Variants in UBE2E2 observed in about 807,000 individuals in gnomAD.
The protein encoded by UBE2E2 is ubiquitin conjugating enzyme E2 E2.
In UBE2E2, 6 loss-of-function variants were observed where a neutral mutation model predicts 24.7. The ratio of observed to expected loss-of-function variants is 0.24; its 90% CI spans 0.13 to 0.48. The LOEUF is 0.48. Ranked by LOEUF, UBE2E2 falls within the 20% of genes least tolerant of loss-of-function variation. The pLI, the probability that UBE2E2 is intolerant of heterozygous loss-of-function variation, is 0.99. For missense variants in UBE2E2, 169 were observed against 245.0 expected (o/e 0.69, Z 2.07); for synonymous variants, 104 against 83.6 (o/e 1.24, Z -1.33).
chr3:23,225,855 C>T (rs1012529726), intron 3 of UBE2E2, among the ~76,000 whole-genome samples: 9 of 151,358 alleles, frequency 5.9e-5, no homozygotes, highest in African/African-American at 2.2e-4. Flanking sequence ...TCATGGGAGC[C>T]ATTTTATAGA....
intron 3 of UBE2E2, among the ~76,000 whole-genome samples, chr3:23,237,847 T>C (rs927742596): frequency 1.3e-5 from 2 of 152,184 alleles, no homozygotes; most frequent in African/African-American, 4.8e-5. Context: ...ACAATGCAAT[T>C]TCTAACAGGG....
At chr3:23,507,516 G>T (rs1255202774) in intron 4 of UBE2E2, among the ~76,000 whole-genome samples, 1 of 152,182 alleles carries the variant, frequency 6.6e-6, no homozygotes, top group Non-Finnish European at 1.5e-5. Context: ...GCATGTAACT[G>T]TGCCCTAAGC....
chr3:23,478,089 A>G (rs1031245182), intron 3 of UBE2E2, among the ~76,000 whole-genome samples: 4 of 152,244 alleles, frequency 2.6e-5, no homozygotes, highest in Non-Finnish European at 5.9e-5. Flanking sequence ...GTGTGAAAAC[A>G]AACTAATACA....
chr3:23,307,504 T>G (rs1699269411), intron 3 of UBE2E2, among the ~76,000 whole-genome samples: 1 of 152,160 alleles, frequency 6.6e-6, no homozygotes, highest in Non-Finnish European at 1.5e-5. Flanking sequence ...AAATAGGACT[T>G]TGGAAGGTAG....
chr3:23,524,874 ACAC>A (rs1694957764), intron 4 of UBE2E2, among the ~76,000 whole-genome samples: 3 of 151,668 alleles, frequency 2.0e-5, no homozygotes, highest in African/African-American at 4.9e-5. Context: ...AGACACACAC[ACAC>A]ACACACACAC....
intron 3 of UBE2E2, among the ~76,000 whole-genome samples, chr3:23,411,285 G>A (rs1045208357): frequency 6.6e-6 from 1 of 152,134 alleles, no homozygotes; most frequent in African/African-American, 2.4e-5. Context: ...AGTCACTTGC[G>A]GTTGGGAAGA....
chr3:23,477,816 A>C (rs1699172312), intron 3 of UBE2E2, among the ~76,000 whole-genome samples: 3 of 152,212 alleles, frequency 2.0e-5, no homozygotes, highest in Admixed American at 1.3e-4. Flanking sequence ...GGAGGAACCC[A>C]GTGGGAGGTG....
chr3:23,284,048 G>C (rs1575530830), intron 3 of UBE2E2, among the ~76,000 whole-genome samples: 1 of 152,152 alleles, frequency 6.6e-6, no homozygotes, highest in Non-Finnish European at 1.5e-5. Context: ...AACCCATTTT[G>C]TGAGTAATTA....
rs912971519 is a variant in UBE2E2, at chr3:23,590,187, GT to G, written c.*364del. 3.2e-5 allele frequency: 6 copies of G among 186,062 alleles called. No individual in the cohort carries two copies. Among genetic ancestry groups the G allele is most frequent in the East Asian group, 1.3e-4 (1 of 7,616 alleles). The allele number at this position is 186,062 out of a possible 1,614,324, so 11.5% of individuals were successfully genotyped here. On this transcript the variant is annotated 3_prime_UTR_variant, in exon 6 of 6. Coordinates refer to ENST00000396703, the MANE Select transcript of UBE2E2 (RefSeq NM_152653.4). Reference sequence around the variant, plus strand: ...AAGCTTTGTATTACTGTGTGGTTTTGTTTTTTTTGTTGTTGTTTATTTGATT... The same window carrying G: ...AAGCTTTGTATTACTGTGTGGTTTTGTTTTTTTGTTGTTGTTTATTTGATT...
chr3:23,511,312 T>C (rs1426673033), intron 4 of UBE2E2, among the ~76,000 whole-genome samples: 1 of 152,246 alleles, frequency 6.6e-6, no homozygotes, highest in East Asian at 1.9e-4. Flanking sequence ...GGGATCACCC[T>C]GTTGAGAACC....
rs577512965 is a variant in UBE2E2, at chr3:23,549,695, A to G, written c.508+16994A>G. Among the ~76,000 whole-genome samples, 10 of 139,720 alleles carry G rather than the reference A, an allele frequency of 7.2e-5. No homozygotes were observed. In the East Asian group the frequency reaches 2.0e-3, roughly 28 times the overall value. The allele number at this position is 139,720 out of a possible 152,430, so 91.7% of individuals were successfully genotyped here. On this transcript the variant is annotated intron_variant, in intron 5 of 5. Coordinates refer to ENST00000396703, the MANE Select transcript of UBE2E2 (RefSeq NM_152653.4). ...GAATGTTATTGAACTGAAAGTCCAT[A>G]TTAGCTGTGTTAGGTGTGATGACCT...
intron 5 of UBE2E2, among the ~76,000 whole-genome samples, chr3:23,577,874 T>C (rs545319472): frequency 2.0e-5 from 3 of 152,144 alleles, no homozygotes; most frequent in Admixed American, 6.6e-5. Context: ...TCAAAAATCC[T>C]AGGACCCTTA....
intron 3 of UBE2E2, among the ~76,000 whole-genome samples, chr3:23,364,108 C>G (rs1237621903): frequency 6.6e-6 from 1 of 151,968 alleles, no homozygotes; most frequent in Non-Finnish European, 1.5e-5. Context: ...TGGGGCACAA[C>G]TAAAGCAGTA....
At chr3:23,382,520 C>A (rs756942897) in intron 3 of UBE2E2, among the ~76,000 whole-genome samples, 1 of 152,048 alleles carries the variant, frequency 6.6e-6, no homozygotes, top group African/African-American at 2.4e-5. Context: ...ACTATATGAG[C>A]GTATTAATGG....
At chr3:23,504,302 C>T (rs1575671915) in intron 4 of UBE2E2, among the ~76,000 whole-genome samples, 2 of 152,174 alleles carry the variant, frequency 1.3e-5, no homozygotes, top group East Asian at 1.9e-4. Context: ...CCTAGTATTC[C>T]GTTGTATAAA....
chr3:23,408,073 C>T (rs1697408206), intron 3 of UBE2E2, among the ~76,000 whole-genome samples: 1 of 152,092 alleles, frequency 6.6e-6, no homozygotes, highest in Non-Finnish European at 1.5e-5. Context: ...AATACACTAG[C>T]ACATCATGAT....
intron 3 of UBE2E2, among the ~76,000 whole-genome samples, chr3:23,314,574 T>G (rs1330503091): frequency 6.6e-6 from 1 of 152,252 alleles, no homozygotes; most frequent in Non-Finnish European, 1.5e-5. Context: ...TCATTTCTTC[T>G]TGCTCATTAA....
chr3:23,241,180 G>A (rs1403348954), intron 3 of UBE2E2, among the ~76,000 whole-genome samples: 1 of 151,790 alleles, frequency 6.6e-6, no homozygotes, highest in African/African-American at 2.4e-5. Flanking sequence ...CTCACTCTAC[G>A]TTCATTCTGT....
At chr3:23,268,052 A>G (rs1352031316) in intron 3 of UBE2E2, among the ~76,000 whole-genome samples, 1 of 151,848 alleles carries the variant, frequency 6.6e-6, no homozygotes, top group African/African-American at 2.4e-5. Context: ...GATGGGACGT[A>G]TCTCAAAATA....
Sources: gnomAD v4.1 joint callset for allele counts (sites outside exome capture counted in the v4.1 genomes callset) on GRCh38, gnomAD v4.1.1 for gene constraint, MANE v1.5 for transcripts, NCBI Gene and HGNC (gene_info 2026-07-23, HGNC 2026-07-21) for gene names.